The following TOGARAM1 variants were observed in gnomAD, a reference collection of about 807,000 sequenced individuals.
TOGARAM1 encodes the protein TOG array regulator of axonemal microtubules protein 1.
In TOGARAM1, 100 loss-of-function variants were observed where a neutral mutation model predicts 166.6. The ratio of observed to expected loss-of-function variants is 0.60; its 90% confidence interval spans 0.51 to 0.71. TOGARAM1 has a LOEUF of 0.71. Among genes scored for constraint, TOGARAM1 ranks in the 30% least tolerant of loss-of-function variants. The pLI is 0.00. For missense variants in TOGARAM1, 2,029 were observed against 2,102.7 expected (o/e 0.96, Z 0.69); for synonymous variants, 758 against 763.8 (o/e 0.99, Z 0.13).
At chr14:45,027,926 C>T (rs565485809) in intron 9 of TOGARAM1, among the ~76,000 whole-genome samples, 66 of 150,810 alleles carry the variant, frequency 4.4e-4, no homozygotes, top group Non-Finnish European at 9.1e-4. Context: ...ATAGATTATT[C>T]GTCCTTCCCA....
At chr14:44,998,804 T>C (rs1887556598) in intron 2 of TOGARAM1, among the ~76,000 whole-genome samples, 1 of 152,134 alleles carries the variant, frequency 6.6e-6, no homozygotes, top group Non-Finnish European at 1.5e-5. Context: ...CCTTTTTTTC[T>C]TTAGACTTAT....
intron 1 of TOGARAM1, among the ~76,000 whole-genome samples, chr14:44,992,608 A>G (rs1314340227): frequency 3.4e-5 from 5 of 146,710 alleles, no homozygotes; most frequent in African/African-American, 1.3e-4. Context: ...AAATTTTTGT[A>G]ATCTTTTTTT....
chr14:45,026,321 C>T (rs1385155541), intron 8 of TOGARAM1, among the ~76,000 whole-genome samples: 2 of 152,044 alleles, frequency 1.3e-5, no homozygotes, highest in Non-Finnish European at 2.9e-5. Flanking sequence ...TGCAAGTATC[C>T]TTTAAAGCTA....
chr14:45,066,719 A>C lies in TOGARAM1; in HGVS notation c.4701A>C (p.Leu1567Phe). 1 of 1,613,714 alleles carries C rather than the reference A, an allele frequency of 6.2e-7. No individual in the cohort carries two copies. Among genetic ancestry groups the C allele is most frequent in the South Asian group, 1.1e-5 (1 of 91,044 alleles). ...RDRINGIKQLLSDTENNQDLV... is the reference protein window; with the variant it reads ...RDRINGIKQLFSDTENNQDLV... ...GTATTAATGGGATTAAGCAGCTTTT[A>C]TCAGATACAGAAAATAATCAAGACC... Residue 1567 changes from leucine to phenylalanine, a missense_variant, in exon 17 of 20, where the codon TTA (leucine) becomes TTC (phenylalanine). Around this residue, in one of 2 missense-constraint regions of TOGARAM1, gnomAD observed 576 missense variants for 670.5 expected, o/e 0.86. Transcript: ENST00000361462.
intron 18 of TOGARAM1, among the ~76,000 whole-genome samples, chr14:45,070,766 T>C (rs921751503): frequency 3.3e-5 from 5 of 152,186 alleles, no homozygotes; most frequent in African/African-American, 1.2e-4. Context: ...CAAGGGTCAA[T>C]TGTAGTTATT....
Position 45,046,600 on chromosome 14 carries a change from G to A in TOGARAM1, c.4210G>A (p.Glu1404Lys), listed in dbSNP as rs367795187. 88 of 1,414,304 alleles carry A rather than the reference G, an allele frequency of 6.2e-5. No individual in the cohort carries two copies. The East Asian group carries it at 2.0e-3, about 32-fold the overall frequency. The allele number at this position is 1,414,304 out of a possible 1,614,324, so 87.6% of individuals were successfully genotyped here. A position where few individuals can be genotyped will look rare whatever the true frequency, so the allele number is the denominator to read the frequency against. ...CTAQHLSDVL[E>K]FMEPERILSA... ...AGCCCAGCATTTATCAGATGTATTG[G>A]AATTTATGGAACCAGAACGTATTTT... Residue 1404 changes from glutamate (E) to lysine (K), a missense_variant, in exon 14 of 20, where the codon GAA (glutamate) becomes AAA (lysine). Glu to Lys is a moderately conservative substitution (Grantham distance 56, BLOSUM62 1). Around this residue, in one of 2 missense-constraint regions of TOGARAM1, gnomAD observed 576 missense variants for 670.5 expected, o/e 0.86. Coordinates refer to ENST00000361462, the MANE Select transcript of TOGARAM1 (RefSeq NM_001308120.2).
Position 44,962,235 on chromosome 14 carries a change from G to C in TOGARAM1, c.-187G>C, listed in dbSNP as rs1008449195. ...CCCGGTGGCAGCTGTGGGGTCTAGG[G>C]CTCAGACGGGGGCCATTTTGCCAGA... On this transcript the variant is annotated 5_prime_UTR_variant, in exon 1 of 20. Coordinates refer to ENST00000361462, the MANE Select transcript of TOGARAM1 (RefSeq NM_001308120.2). The C allele has an allele frequency of 1.6e-6, 1 of 616,352 alleles. No individual in the cohort carries two copies. The highest frequency in any genetic ancestry group is 2.7e-6 in the Non-Finnish European group (1 of 375,708). 38.2% of individuals were successfully genotyped at this position (616,352 alleles called of 1,614,324 possible). A position where few individuals can be genotyped will look rare whatever the true frequency, so the allele number is the denominator to read the frequency against.
At chr14:44,987,202 G>C (rs948664922) in intron 1 of TOGARAM1, among the ~76,000 whole-genome samples, 1 of 151,644 alleles carries the variant, frequency 6.6e-6, no homozygotes, top group African/African-American at 2.4e-5. Flanking sequence ...GCCTCCCAAA[G>C]TGCTGGGATT....
chr14:45,010,262 A>T (rs553911119), intron 6 of TOGARAM1, among the ~76,000 whole-genome samples: 14 of 151,942 alleles, frequency 9.2e-5, no homozygotes, highest in Non-Finnish European at 1.6e-4. Flanking sequence ...TCAGCCCCTT[A>T]TTTTTTCCTA....
intron 7 of TOGARAM1, among the ~76,000 whole-genome samples, chr14:45,016,613 C>A (rs548196340): frequency 2.6e-5 from 4 of 152,208 alleles, no homozygotes; most frequent in Non-Finnish European, 4.4e-5. Flanking sequence ...CCCAGGCTGG[C>A]CTTGAACTCC....
intron 1 of TOGARAM1, among the ~76,000 whole-genome samples, chr14:44,981,956 A>G (rs965560636): frequency 6.7e-6 from 1 of 148,590 alleles, no homozygotes; most frequent in Admixed American, 6.8e-5. Context: ...TGATTCTCCT[A>G]CCTAGCCTCC....
At chr14:45,034,807 A>G (rs534582217) in intron 11 of TOGARAM1, among the ~76,000 whole-genome samples, 1 of 152,364 alleles carries the variant, frequency 6.6e-6, no homozygotes, top group Non-Finnish European at 1.5e-5. Flanking sequence ...ATTTATAGGA[A>G]TACAAAAATA....
Position 45,021,938 on chromosome 14 carries a change from G to A in TOGARAM1, c.3239-3845G>A, listed in dbSNP as rs540417268. Reference sequence around the variant, plus strand: ...GGAAGGGCCGTCCATACAGCATTTCGTATGGGCTAAGTCCTGCTTTTTGGG... The same window carrying A: ...GGAAGGGCCGTCCATACAGCATTTCATATGGGCTAAGTCCTGCTTTTTGGG... On this transcript the variant is annotated intron_variant, in intron 7 of 19. Coordinates refer to ENST00000361462, the MANE Select transcript of TOGARAM1 (RefSeq NM_001308120.2). Among the ~76,000 whole-genome samples the A allele has an allele frequency of 3.9e-5, 6 of 152,160 alleles. No homozygotes were observed. In the South Asian group the frequency reaches 1.2e-3, roughly 32 times the overall value.
At chr14:45,060,229 T>C (rs1246975209) in intron 16 of TOGARAM1, among the ~76,000 whole-genome samples, 1 of 150,220 alleles carries the variant, frequency 6.7e-6, no homozygotes, top group Admixed American at 6.6e-5. Context: ...TTTTTTTTTT[T>C]TTTTGAGATG....
intron 16 of TOGARAM1, among the ~76,000 whole-genome samples, chr14:45,058,892 A>C (rs1042195154): frequency 6.6e-6 from 1 of 151,520 alleles, no homozygotes; most frequent in Non-Finnish European, 1.5e-5. Flanking sequence ...CTTCCTTTTT[A>C]TGATTGCTTT....
Position 45,046,654 on chromosome 14 carries a change from A to T in TOGARAM1, c.4264A>T (p.Ile1422Leu). 1 of 1,348,956 alleles carries T rather than the reference A, an allele frequency of 7.4e-7. No individual in the cohort carries two copies. Among genetic ancestry groups the T allele is most frequent in the Non-Finnish European group, 9.6e-7 (1 of 1,042,418 alleles). 83.6% of individuals were successfully genotyped at this position (1,348,956 alleles called of 1,614,324 possible). A position where few individuals can be genotyped will look rare whatever the true frequency, so the allele number is the denominator to read the frequency against. ...LSAAKDMAER[I>L]LPAAAKFAQD... is the part of the protein sequence containing the mutation. Reference sequence around the variant, plus strand: ...TGCAGCAAAGGATATGGCTGAACGCATATTACCAGCTGCTGCTAAGTTTGC... The same window carrying T: ...TGCAGCAAAGGATATGGCTGAACGCTTATTACCAGCTGCTGCTAAGTTTGC... Residue 1422 changes from isoleucine (I) to leucine (L), a missense_variant, in exon 14 of 20, where the codon ATA (isoleucine) becomes TTA (leucine). Transcript: ENST00000361462.
At position 45,073,736 on chromosome 14, in the gene TOGARAM1, T is replaced by G; in HGVS notation, c.*175T>G. On this transcript the variant is annotated 3_prime_UTR_variant, in exon 20 of 20. Transcript: ENST00000361462. ...TCCTATATCAACCTTACCACTTATA[T>G]TCATCACATAAAAACCTAAAATATT... 1.9e-6 allele frequency: 1 copy of G among 513,622 alleles called. No homozygotes were observed. Among genetic ancestry groups the G allele is most frequent in the Non-Finnish European group, 3.3e-6 (1 of 300,376 alleles). The allele number at this position is 513,622 out of a possible 1,614,324, so 31.8% of individuals were successfully genotyped here. A position where few individuals can be genotyped will look rare whatever the true frequency, so the allele number is the denominator to read the frequency against.
chr14:45,027,530 T>C, intron 9 of TOGARAM1, 56 bp downstream of exon 9: 1 of 1,380,610 alleles, frequency 7.2e-7, no homozygotes, highest in East Asian at 2.4e-5. Flanking sequence ...TGTCATTGTT[T>C]TGTGTATATC....
At chr14:45,070,871 G>A (rs1032873506) in intron 18 of TOGARAM1, among the ~76,000 whole-genome samples, 2 of 152,086 alleles carry the variant, frequency 1.3e-5, no homozygotes, top group South Asian at 4.1e-4. Flanking sequence ...TAAAACTTAA[G>A]AAAAAAATTC....
Sources: allele counts gnomAD v4.1 joint callset (sites outside exome capture counted in the v4.1 genomes callset), GRCh38; gene constraint gnomAD v4.1.1; regional missense constraint gnomAD v4.1.1; transcripts MANE v1.5; gene names NCBI Gene and HGNC (gene_info 2026-07-23, HGNC 2026-07-21).